TNFRSF19: variants seen among roughly 807,000 people sequenced by gnomAD.
The protein encoded by TNFRSF19 is TNF receptor superfamily member 19, also known as tumor necrosis factor receptor superfamily member 19.
TNFRSF19 carries 27 observed loss-of-function variants against 46.4 expected under a neutral mutation model. The ratio of observed to expected loss-of-function variants is 0.58; its 90% CI spans 0.43 to 0.80. The LOEUF is 0.80. TNFRSF19 is among the 30% of genes least tolerant of loss of function. The pLI, the probability that TNFRSF19 is intolerant of heterozygous loss-of-function variation, is 0.00. For synonymous variants in TNFRSF19, 204 were observed against 205.0 expected (o/e 1.00, Z 0.04); for missense variants, 511 against 530.8 (o/e 0.96, Z 0.37).
intron 1 of TNFRSF19, among the ~76,000 whole-genome samples, chr13:23,582,440 T>C (rs1878521394): frequency 1.3e-5 from 2 of 152,094 alleles, no homozygotes; most frequent in Admixed American, 1.3e-4. Context: ...ATAATGCATA[T>C]GTGAATTACC....
Position 23,636,938 on chromosome 13 carries a change from T to G in TNFRSF19, c.445+10146T>G, listed in dbSNP as rs1882727219. Among the ~76,000 whole-genome samples the G allele has an allele frequency of 2.0e-5, 3 of 152,342 alleles. No homozygotes were observed. In the South Asian group the frequency reaches 6.2e-4, roughly 32 times the overall value. On this transcript the variant is annotated intron_variant, in intron 5 of 9. Transcript: ENST00000248484. ...TGGTTATTAGTTTATTTAATTCAAT[T>G]TATTTAATTTAAATAAATCATGTAT...
chr13:23,592,660 C>A (rs1351480481), intron 2 of TNFRSF19, among the ~76,000 whole-genome samples: 1 of 152,114 alleles, frequency 6.6e-6, no homozygotes, highest in Non-Finnish European at 1.5e-5. Context: ...GAGAGTTGGG[C>A]CACTACTGCC....
Position 23,593,413 on chromosome 13 carries a change from T to C in TNFRSF19, c.138T>C (p.Cys46=). The C allele has an allele frequency of 1.9e-6, 3 of 1,603,634 alleles. No homozygotes were observed. The highest frequency in any genetic ancestry group is 2.5e-6 in the Non-Finnish European group (3 of 1,177,324). ...QQEFRDRSGN[C]VPCNQCGPGM... ...AATTCAGGGATCGGTCTGGAAACTGTGTTCCCTGCAACCAGTGTGGGCCAG... is the reference window on the plus strand; with the variant it reads ...AATTCAGGGATCGGTCTGGAAACTGCGTTCCCTGCAACCAGTGTGGGCCAG... The change falls in exon 3 of 10, where the codon TGT becomes TGC. Residue 46 remains cysteine (C), a synonymous_variant. Transcript: ENST00000248484.
rs771009898 is a variant in TNFRSF19 at position 23,659,042 on chromosome 13, G to A, written c.446-8G>A. The A allele has an allele frequency of 1.2e-6, 2 of 1,613,130 alleles. No homozygotes were observed. The highest frequency in any genetic ancestry group is 1.1e-5 in the South Asian group (1 of 91,046). ...CAGAGCATGCTGACCCCATTCCTGT[G>A]GTTTCAGGTGCCAGCAAGGTCAACC... On this transcript the variant is annotated splice_polypyrimidine_tract_variant and splice_region_variant and intron_variant, in intron 5 of 9. Coordinates refer to ENST00000248484, the MANE Select transcript of TNFRSF19 (RefSeq NM_148957.4). This position sits in a 1 kb window ranked among gnomAD's most constrained non-coding sequence, Gnocchi z 4.9.
intron 4 of TNFRSF19, among the ~76,000 whole-genome samples, chr13:23,624,269 T>G (rs1751627126): frequency 6.6e-6 from 1 of 152,182 alleles, no homozygotes; most frequent in African/African-American, 2.4e-5. Context: ...TACTACATAT[T>G]TTGATTATTG....
intron 3 of TNFRSF19, among the ~76,000 whole-genome samples, chr13:23,593,958 A>C (rs1172017502): frequency 6.6e-6 from 1 of 152,182 alleles, no homozygotes; most frequent in Non-Finnish European, 1.5e-5. Flanking sequence ...AGGGTGAGCC[A>C]AAGCAGGATG....
chr13:23,645,291 T>A (rs1341488673), intron 5 of TNFRSF19, among the ~76,000 whole-genome samples: 1 of 152,190 alleles, frequency 6.6e-6, no homozygotes, highest in East Asian at 1.9e-4. Flanking sequence ...CAACCTCCAC[T>A]TCTGGGTTCA....
intron 4 of TNFRSF19, among the ~76,000 whole-genome samples, chr13:23,622,113 T>C (rs1030854808): frequency 6.6e-6 from 1 of 152,144 alleles, no homozygotes; most frequent in East Asian, 1.9e-4. Context: ...TAGTATTTAA[T>C]GGTCATTCAG....
Position 23,673,878 on chromosome 13 carries a change from T to G in TNFRSF19, c.*498T>G, listed in dbSNP as rs1951791881. ...GGGTTCAAAAGTGAGTGTTTCTATT[T>G]GAGAAGGACACTTTTTCATCATCTA... On this transcript the variant is annotated 3_prime_UTR_variant, in exon 10 of 10. Coordinates refer to ENST00000248484, the MANE Select transcript of TNFRSF19 (RefSeq NM_148957.4). The G allele has an allele frequency of 6.5e-6, 1 of 152,774 alleles. No homozygotes were observed. Among genetic ancestry groups the G allele is most frequent in the South Asian group, 2.1e-4 (1 of 4,838 alleles). 9.5% of individuals were successfully genotyped at this position (152,774 alleles called of 1,614,324 possible).
intron 7 of TNFRSF19, among the ~76,000 whole-genome samples, chr13:23,666,329 T>C (rs1272952946): frequency 6.6e-6 from 1 of 152,234 alleles, no homozygotes; most frequent in Non-Finnish European, 1.5e-5. Flanking sequence ...ATTACTATGA[T>C]GGTTAACAAA....
chr13:23,600,400 G>C (rs1566175996), intron 3 of TNFRSF19, among the ~76,000 whole-genome samples: 1 of 152,126 alleles, frequency 6.6e-6, no homozygotes, highest in Non-Finnish European at 1.5e-5. Flanking sequence ...CTGTAGCCTA[G>C]GTTTGGAAAA....
intron 3 of TNFRSF19, chr13:23,594,362 T>A (rs929866659): frequency 2.3e-6 from 1 of 433,836 alleles, no homozygotes; most frequent in East Asian, 7.2e-5. Context: ...GGCTTGAAAT[T>A]CTCACTGCCA....
chr13:23,616,854 C>T (rs1376525885), intron 4 of TNFRSF19, among the ~76,000 whole-genome samples: 1 of 152,132 alleles, frequency 6.6e-6, no homozygotes, highest in East Asian at 1.9e-4. Flanking sequence ...GCTGGGATTA[C>T]AGGTGTGAGC....
Position 23,659,031 on chromosome 13 carries a change from C to G in TNFRSF19, c.446-19C>G. 6.2e-7 allele frequency: 1 copy of G among 1,612,630 alleles called. No individual in the cohort carries two copies. Among genetic ancestry groups the G allele is most frequent in the Non-Finnish European group, 8.5e-7 (1 of 1,180,006 alleles). Reference sequence around the variant, plus strand: ...CTGCAGTTGTTCAGAGCATGCTGACCCCATTCCTGTGGTTTCAGGTGCCAG... The same window carrying G: ...CTGCAGTTGTTCAGAGCATGCTGACGCCATTCCTGTGGTTTCAGGTGCCAG... On this transcript the variant is annotated intron_variant, in intron 5 of 9. Coordinates refer to ENST00000248484, the MANE Select transcript of TNFRSF19 (RefSeq NM_148957.4). This position sits in a 1 kb window ranked among gnomAD's most constrained non-coding sequence, Gnocchi z 4.9.
At chr13:23,615,784 A>G (rs77719467) in intron 3 of TNFRSF19, 83 bp from the exon 4 acceptor site, 31,490 of 1,380,216 alleles carry the variant, frequency 0.023, 557 homozygotes, top group African/African-American at 0.063. Flanking sequence ...TTATTAGACC[A>G]GGTCTTCGTT....
At chr13:23,587,148 A>G (rs1157189373) in intron 1 of TNFRSF19, among the ~76,000 whole-genome samples, 1 of 152,272 alleles carries the variant, frequency 6.6e-6, no homozygotes, top group East Asian at 1.9e-4. Context: ...GCATTTTTCT[A>G]TCTTTGGGCC....
At chr13:23,668,567 C>G in intron 8 of TNFRSF19, 125 bp from the exon 9 acceptor site, 1 of 1,131,290 alleles carries the variant, frequency 8.8e-7, no homozygotes. Flanking sequence ...ATAGGAAACA[C>G]TAGAATTCTG....
At chr13:23,614,538 T>C (rs1416419424) in intron 3 of TNFRSF19, among the ~76,000 whole-genome samples, 1 of 151,892 alleles carries the variant, frequency 6.6e-6, no homozygotes, top group Non-Finnish European at 1.5e-5. Flanking sequence ...GAAACTGAGG[T>C]TTCTTGCAAG....
At chr13:23,634,431 A>C (rs1882551670) in intron 5 of TNFRSF19, among the ~76,000 whole-genome samples, 1 of 152,184 alleles carries the variant, frequency 6.6e-6, no homozygotes, top group African/African-American at 2.4e-5. Context: ...CTCACAATCA[A>C]CAGGTTGTGA....
Sources: allele counts gnomAD v4.1 joint callset (sites outside exome capture counted in the v4.1 genomes callset), GRCh38; gene constraint gnomAD v4.1.1; non-coding constraint Gnocchi (gnomAD v3.1); transcripts MANE v1.5; gene names NCBI Gene and HGNC (gene_info 2026-07-23, HGNC 2026-07-21).